The following LPCAT3 variants were observed in gnomAD, a reference collection of about 807,000 sequenced individuals.
The protein encoded by LPCAT3 is lysophosphatidylcholine acyltransferase 3.
A neutral mutation model predicts 63.4 loss-of-function variants in LPCAT3; 21 were observed. The observed-to-expected ratio is 0.33, with a 90% CI of 0.23 to 0.48. LPCAT3 has a LOEUF of 0.48. LPCAT3 is among the 20% of genes least tolerant of loss of function. LPCAT3 has a pLI of 0.99. For synonymous variants in LPCAT3, 242 were observed against 227.5 expected (o/e 1.06, Z -0.58); for missense variants, 451 against 590.6 (o/e 0.76, Z 2.45).
chr12:7,011,647 C>CAAAA (rs1177972639), intron 1 of LPCAT3, among the ~76,000 whole-genome samples: 127 of 73,770 alleles, frequency 1.7e-3, no homozygotes, highest in Admixed American at 2.7e-3. Flanking sequence ...CACCATGTCT[C>CAAAA]AAAAAAAAAA....
intron 1 of LPCAT3, among the ~76,000 whole-genome samples, chr12:7,007,793 C>T (rs1419042747): frequency 2.6e-5 from 4 of 152,138 alleles, no homozygotes; most frequent in Non-Finnish European, 2.9e-5. Context: ...CTGTGCCCGG[C>T]CATGACAAAA....
intron 1 of LPCAT3, among the ~76,000 whole-genome samples, chr12:6,995,706 A>G (rs1591553073): frequency 6.6e-6 from 1 of 152,074 alleles, no homozygotes; most frequent in East Asian, 1.9e-4. Flanking sequence ...CAGCAGTCCT[A>G]TACCGGGGTA....
chr12:6,997,876 G>A (rs1434110863), intron 1 of LPCAT3, among the ~76,000 whole-genome samples: 3 of 152,060 alleles, frequency 2.0e-5, no homozygotes, highest in Non-Finnish European at 4.4e-5. Context: ...GAGAGCCACT[G>A]CACCTGGCCG....
chr12:6,998,276 A>T (rs1481833692), intron 1 of LPCAT3, among the ~76,000 whole-genome samples: 3 of 152,224 alleles, frequency 2.0e-5, no homozygotes, highest in African/African-American at 7.2e-5. Flanking sequence ...TCAGCCTCAC[A>T]AAGTATTGGC....
At chr12:6,978,026 G>A in intron 9 of LPCAT3, 1 of 562,998 alleles carries the variant, frequency 1.8e-6, no homozygotes, top group South Asian at 2.1e-5. Context: ...TACTCAAGCT[G>A]CCCACACTCT....
chr12:6,977,493 C>T lies in LPCAT3; in HGVS notation c.1221G>A (p.Leu407=), dbSNP rs1946419435. ...AARLIQESPT[L]SKLAAITVLQ... is the part of the protein sequence containing the mutation. ...GGACAGTAATGGCGGCCAGCTTGCTCAGGGTGGGGCTCTCTTGAATGAGCC... is the reference window on the plus strand; with the variant it reads ...GGACAGTAATGGCGGCCAGCTTGCTTAGGGTGGGGCTCTCTTGAATGAGCC... Residue 407 remains leucine (L), a synonymous_variant, in exon 11 of 13, where the codon CTG becomes CTA. Coordinates refer to ENST00000261407, the MANE Select transcript of LPCAT3 (RefSeq NM_005768.6). The surrounding 1 kb of genome is among the most constrained non-coding windows in gnomAD (Gnocchi z 4.5). 2 of 1,614,196 alleles carry T rather than the reference C, an allele frequency of 1.2e-6. No homozygotes were observed. The highest frequency in any genetic ancestry group is 1.1e-5 in the South Asian group (1 of 91,084).
chr12:6,979,204 T>G (rs1555153743), intron 7 of LPCAT3: 1 of 504,974 alleles, frequency 2.0e-6, no homozygotes, highest in African/African-American at 1.9e-5. Flanking sequence ...CACGTGGATG[T>G]GATAAGGCAA....
intron 1 of LPCAT3, among the ~76,000 whole-genome samples, chr12:6,997,816 C>A (rs1209750359): frequency 1.3e-5 from 2 of 151,990 alleles, no homozygotes; most frequent in African/African-American, 4.8e-5. Context: ...GAACTCCTGA[C>A]CTCAGGTGAT....
intron 1 of LPCAT3, among the ~76,000 whole-genome samples, chr12:6,985,126 T>C (rs1946508920): frequency 1.4e-5 from 2 of 141,096 alleles, no homozygotes; most frequent in Non-Finnish European, 1.5e-5. Context: ...GCGCGGTGGC[T>C]CATGCCTGTA....
chr12:6,999,954 C>G lies in LPCAT3; in HGVS notation c.152-16415G>C, dbSNP rs992655760. ...TTTTTTTTTGAGACAGAGTCTCGCTCTGTTCCTCAGGCTGGAGTGCAGTAG... is the reference window on the plus strand; with the variant it reads ...TTTTTTTTTGAGACAGAGTCTCGCTGTGTTCCTCAGGCTGGAGTGCAGTAG... On this transcript the variant is annotated intron_variant, in intron 1 of 12. Coordinates refer to ENST00000261407, the MANE Select transcript of LPCAT3 (RefSeq NM_005768.6). Among the ~76,000 whole-genome samples, 7 of 136,074 alleles carry G rather than the reference C, an allele frequency of 5.1e-5. No individual in the cohort carries two copies. In the South Asian group the frequency reaches 1.1e-3, roughly 22 times the overall value. 89.3% of individuals were successfully genotyped at this position (136,074 alleles called of 152,430 possible).
intron 1 of LPCAT3, among the ~76,000 whole-genome samples, chr12:7,016,758 A>C (rs1208436207): frequency 6.6e-6 from 1 of 152,232 alleles, no homozygotes; most frequent in Admixed American, 6.5e-5. Flanking sequence ...AAGAGTAGGA[A>C]GTTCAAAGCT....
At chr12:6,995,877 A>T (rs1555155963) in intron 1 of LPCAT3, among the ~76,000 whole-genome samples, 2 of 152,090 alleles carry the variant, frequency 1.3e-5, no homozygotes, top group African/African-American at 4.8e-5. Flanking sequence ...CTATCTCTGG[A>T]TTATTATTAT....
chr12:7,010,039 T>C (rs142054793), intron 1 of LPCAT3, among the ~76,000 whole-genome samples: 59 of 152,324 alleles, frequency 3.9e-4, no homozygotes, highest in African/African-American at 1.3e-3. Flanking sequence ...AAACAGCTAG[T>C]ACATATTTAT....
intron 1 of LPCAT3, among the ~76,000 whole-genome samples, chr12:6,989,695 T>C (rs1179608880): frequency 2.0e-5 from 3 of 152,170 alleles, no homozygotes; most frequent in Non-Finnish European, 4.4e-5. Flanking sequence ...TAGAACTGTA[T>C]TATTCAGTCT....
At chr12:6,983,086 C>A in intron 2 of LPCAT3, 1 of 529,084 alleles carries the variant, frequency 1.9e-6, no homozygotes, top group Non-Finnish European at 3.5e-6. Flanking sequence ...GCTACCACAC[C>A]CAGCTTGTTA....
chr12:7,009,656 C>A (rs1946748785), intron 1 of LPCAT3, among the ~76,000 whole-genome samples: 1 of 152,126 alleles, frequency 6.6e-6, no homozygotes, highest in Admixed American at 6.5e-5. Context: ...AAGGGAAGAA[C>A]AATTATTTAA....
Position 7,017,488 on chromosome 12 carries a change from A to G in LPCAT3, c.151+786T>C, listed in dbSNP as rs1167378890. Among the ~76,000 whole-genome samples, 2 of 152,158 alleles carry G rather than the reference A, an allele frequency of 1.3e-5. No individual in the cohort carries two copies. Among genetic ancestry groups the G allele is most frequent in the Non-Finnish European group, 2.9e-5 (2 of 68,030 alleles). ...AACCCATACTTTTTTCCATTGTACT[A>G]TGCTACCTCCATGTATTAAACCATG... On this transcript the variant is annotated intron_variant, in intron 1 of 12. Transcript: ENST00000261407. This position sits in a 1 kb window ranked among gnomAD's most constrained non-coding sequence, Gnocchi z 4.1.
chr12:6,990,205 TAAATAA>T lies in LPCAT3; in HGVS notation c.152-6672_152-6667del, dbSNP rs782252336. On this transcript the variant is annotated intron_variant, in intron 1 of 12. Coordinates refer to ENST00000261407, the MANE Select transcript of LPCAT3 (RefSeq NM_005768.6). The stretch of plus-strand genomic sequence containing the variant: ...CCTGTCTCAAAAATAAATAAATAAA[TAAATAA>T]AAATAAAAAAAATATAAGCGGGGCA... Among the ~76,000 whole-genome samples, 784 of 143,066 alleles carry T rather than the reference TAAATAA, an allele frequency of 5.5e-3. 8 individuals are homozygous for T. Among genetic ancestry groups the T allele is most frequent in the African/African-American group, 0.019 (737 of 38,420 alleles). 93.9% of individuals were successfully genotyped at this position (143,066 alleles called of 152,430 possible).
intron 1 of LPCAT3, among the ~76,000 whole-genome samples, chr12:7,013,340 A>G (rs1946777918): frequency 6.6e-6 from 1 of 152,218 alleles, no homozygotes; most frequent in Non-Finnish European, 1.5e-5. Context: ...CTTACCAGCC[A>G]GGTATGGAAG....
Sources: allele counts gnomAD v4.1 joint callset (sites outside exome capture counted in the v4.1 genomes callset), GRCh38; gene constraint gnomAD v4.1.1; non-coding constraint Gnocchi (gnomAD v3.1); transcripts MANE v1.5; gene names NCBI Gene and HGNC (gene_info 2026-07-23, HGNC 2026-07-21).